Variants in CSMD3 observed in about 807,000 individuals in gnomAD.
CSMD3 encodes the protein CUB and sushi domain-containing protein 3.
CSMD3 carries 177 observed loss-of-function variants against 435.2 expected under a neutral mutation model. That is an observed-to-expected ratio of 0.41 (90% CI 0.36 to 0.46). CSMD3 has a LOEUF of 0.46. CSMD3 is among the 20% of genes least tolerant of loss of function. The pLI is 0.34. For synonymous variants in CSMD3, 1,656 were observed against 1,520.5 expected (o/e 1.09, Z -2.07); for missense variants, 4,265 against 4,504.6 (o/e 0.95, Z 1.52).
At chr8:113,132,179 T>G (rs1441379864) in intron 4 of CSMD3, among the ~76,000 whole-genome samples, 1 of 152,204 alleles carries the variant, frequency 6.6e-6, no homozygotes, top group African/African-American at 2.4e-5. Context: ...GGAAGGTAAT[T>G]ACCTTGCCTC....
At chr8:112,522,150 A>T (rs191362751) in intron 27 of CSMD3, among the ~76,000 whole-genome samples, 38 of 151,922 alleles carry the variant, frequency 2.5e-4, no homozygotes, top group Non-Finnish European at 3.7e-4. Flanking sequence ...CTTTCAAAAT[A>T]GAACTGTTTC....
At chr8:112,651,028 A>G (rs1209609691) in intron 18 of CSMD3, among the ~76,000 whole-genome samples, 1 of 152,146 alleles carries the variant, frequency 6.6e-6, no homozygotes, top group Admixed American at 6.6e-5. Flanking sequence ...TTTTAGAAAC[A>G]TTCCTGGCCC....
chr8:112,858,480 C>T lies in CSMD3; in HGVS notation c.1755+665G>A, dbSNP rs185631086. ...AATGATGATTTTTCCTATTTAGGTCCTCTCTATTGCTATAAAATCACATCT... is the reference window on the plus strand; with the variant it reads ...AATGATGATTTTTCCTATTTAGGTCTTCTCTATTGCTATAAAATCACATCT... On this transcript the variant is annotated intron_variant, in intron 11 of 70. Transcript: ENST00000297405. Among the ~76,000 whole-genome samples, 209 of 151,750 alleles carry T rather than the reference C, an allele frequency of 1.4e-3. 3 individuals carry two copies. The highest frequency in any genetic ancestry group is 6.1e-4 in the Non-Finnish European group (41 of 67,724).
chr8:113,155,523 C>T (rs2091912677), intron 4 of CSMD3, among the ~76,000 whole-genome samples: 1 of 151,932 alleles, frequency 6.6e-6, no homozygotes, highest in Non-Finnish European at 1.5e-5. Context: ...TATTTGAAGA[C>T]TTTAAGATAC....
intron 24 of CSMD3, among the ~76,000 whole-genome samples, chr8:112,564,938 TC>T (rs1432509487): frequency 6.6e-6 from 1 of 152,102 alleles, no homozygotes; most frequent in Non-Finnish European, 1.5e-5. Context: ...TACATTTAGG[TC>T]TTCAACTTGC....
chr8:112,795,199 C>G (rs1408383319), intron 13 of CSMD3, among the ~76,000 whole-genome samples: 1 of 152,004 alleles, frequency 6.6e-6, no homozygotes, highest in East Asian at 1.9e-4. Context: ...AACTCTAATT[C>G]AAATTCACAA....
intron 41 of CSMD3, 67 bp downstream of exon 41, chr8:112,346,030 T>C (rs1825637804): frequency 3.3e-6 from 3 of 913,996 alleles, no homozygotes; most frequent in East Asian, 2.4e-5. Flanking sequence ...TATTCGACAT[T>C]GAAATTTATT....
chr8:112,507,248 A>T lies in CSMD3; in HGVS notation c.4757-419T>A, dbSNP rs548248768. On this transcript the variant is annotated intron_variant, in intron 28 of 70. Coordinates refer to ENST00000297405, the MANE Select transcript of CSMD3 (RefSeq NM_198123.2). Reference sequence around the variant, plus strand: ...GACATGAGACATATAGCTTATTTTCATGTCTCTCCTGGCACCTTTATTTAG... The same window carrying T: ...GACATGAGACATATAGCTTATTTTCTTGTCTCTCCTGGCACCTTTATTTAG... 3.7e-4 allele frequency among the ~76,000 whole-genome samples: 56 copies of T among 152,312 alleles called. No homozygotes were observed. In the South Asian group the frequency reaches 9.1e-3, roughly 25 times the overall value.
At chr8:113,170,216 G>A (rs1314809489) in intron 4 of CSMD3, among the ~76,000 whole-genome samples, 2 of 152,110 alleles carry the variant, frequency 1.3e-5, no homozygotes, top group African/African-American at 4.8e-5. Flanking sequence ...GAACTGAGTA[G>A]TCTGCCATCT....
intron 66 of CSMD3, among the ~76,000 whole-genome samples, chr8:112,241,510 C>G (rs1358765578): frequency 6.6e-6 from 1 of 151,992 alleles, no homozygotes; most frequent in Non-Finnish European, 1.5e-5. Flanking sequence ...ATATTTTTAG[C>G]AGACGGAACT....
At chr8:112,669,099 C>G (rs2075595858) in intron 16 of CSMD3, among the ~76,000 whole-genome samples, 1 of 151,696 alleles carries the variant, frequency 6.6e-6, no homozygotes, top group Non-Finnish European at 1.5e-5. Flanking sequence ...ATTGCACAAT[C>G]TCATCTCACT....
At chr8:113,341,688 ATTAT>A (rs996063894) in intron 1 of CSMD3, among the ~76,000 whole-genome samples, 10 of 152,098 alleles carry the variant, frequency 6.6e-5, no homozygotes, top group African/African-American at 2.2e-4. Context: ...AGTTAAACTT[ATTAT>A]TTGACATTTC....
intron 28 of CSMD3, among the ~76,000 whole-genome samples, chr8:112,510,324 T>C (rs984567853): frequency 5.3e-5 from 8 of 152,242 alleles, no homozygotes; most frequent in African/African-American, 1.9e-4. Flanking sequence ...ACAGCCTTCA[T>C]GATCTGACCC....
chr8:112,729,235 G>C (rs1324542563), intron 13 of CSMD3, among the ~76,000 whole-genome samples: 1 of 152,016 alleles, frequency 6.6e-6, no homozygotes, highest in Non-Finnish European at 1.5e-5. Flanking sequence ...AAAAGAACAA[G>C]AGTGTTCTTA....
chr8:112,458,856 G>T (rs1817129540), intron 32 of CSMD3, among the ~76,000 whole-genome samples: 1 of 152,102 alleles, frequency 6.6e-6, no homozygotes, highest in Non-Finnish European at 1.5e-5. Flanking sequence ...TTTGACAGCA[G>T]TTCTCAAGGT....
intron 3 of CSMD3, among the ~76,000 whole-genome samples, chr8:113,236,487 C>A (rs1015074197): frequency 2.0e-5 from 3 of 152,140 alleles, no homozygotes; most frequent in Non-Finnish European, 4.4e-5. Context: ...AGGGAAAAGA[C>A]AATTTCCACT....
rs754860782 is a variant in CSMD3, at chr8:112,975,946, G to C, written c.1233C>G (p.Ser411=). ...LRNSGLDPNT[S]KDGLSPHPAD... is the part of the protein sequence containing the mutation. ...CTGGATGAGGAGAGAGCCCGTCCTT[G>C]GACGTGTTGGGGTCCAGACCTGAAT... Residue 411 remains serine (S), a synonymous_variant, in exon 7 of 71, where the codon TCC becomes TCG. Coordinates refer to ENST00000297405, the MANE Select transcript of CSMD3 (RefSeq NM_198123.2). 3 of 1,614,024 alleles carry C rather than the reference G, an allele frequency of 1.9e-6. No homozygotes were observed. The East Asian group carries it at 6.7e-5, about 36-fold the overall frequency.
intron 45 of CSMD3, among the ~76,000 whole-genome samples, chr8:112,330,480 A>G (rs1442277977): frequency 2.0e-5 from 3 of 152,184 alleles, no homozygotes; most frequent in African/African-American, 7.2e-5. Context: ...GTATTAAATT[A>G]GTAAATACAT....
At chr8:113,014,602 G>A (rs1465481495) in intron 6 of CSMD3, among the ~76,000 whole-genome samples, 1 of 152,058 alleles carries the variant, frequency 6.6e-6, no homozygotes, top group African/African-American at 2.4e-5. Flanking sequence ...CATTTTCAGG[G>A]TATCTTGTAA....
Sources: allele counts gnomAD v4.1 joint callset (sites outside exome capture counted in the v4.1 genomes callset), GRCh38; gene constraint gnomAD v4.1.1; transcripts MANE v1.5; gene names NCBI Gene and HGNC (gene_info 2026-07-23, HGNC 2026-07-21).